The following CCDC42 variants were observed in gnomAD, a reference collection of about 807,000 sequenced individuals.
The protein encoded by CCDC42 is coiled-coil domain containing 42, also known as coiled-coil domain-containing protein 42.
Under a neutral mutation model 40.8 loss-of-function variants are expected in CCDC42, and 38 were observed. That is an observed-to-expected ratio of 0.93 (90% CI 0.72 to 1.22). CCDC42 has a LOEUF of 1.22. Ranked by LOEUF, CCDC42 falls within the 50% of genes most tolerant of loss-of-function variation. CCDC42 has a pLI of 0.00. For synonymous variants in CCDC42, 135 were observed against 157.5 expected (o/e 0.86, Z 1.07); for missense variants, 379 against 416.5 (o/e 0.91, Z 0.78).
intron 6 of CCDC42, among the ~76,000 whole-genome samples, chr17:8,734,183 C>T (rs1384196346): frequency 6.6e-6 from 1 of 152,176 alleles, no homozygotes; most frequent in East Asian, 1.9e-4. Flanking sequence ...TTTCTGTTAA[C>T]ATACTTTTTA....
chr17:8,744,320 G>T, intron 1 of CCDC42, 136 bp from the exon 2 acceptor site: 1 of 751,044 alleles, frequency 1.3e-6, no homozygotes, highest in Non-Finnish European at 2.2e-6. Flanking sequence ...GGGCTGTTGT[G>T]TTGAGAAGCA....
chr17:8,739,161 G>A (rs1206622658), intron 4 of CCDC42, among the ~76,000 whole-genome samples: 2 of 152,274 alleles, frequency 1.3e-5, no homozygotes, highest in African/African-American at 2.4e-5. Context: ...GGCCAGGAAC[G>A]ACGCCAGAGT....
chr17:8,744,158 G>GACGCCCCA lies in CCDC42; in HGVS notation c.109_110insTGGGGCGT (p.Ser37LeufsTer39). ...CAGTAGCCAGATGGATGGGGACTCC[G>GACGCCCCA]ACGCCCCCTCAACATTGGGGAGTTT... On this transcript the variant is annotated frameshift_variant, in exon 2 of 7. Transcript: ENST00000293845. LOFTEE classifies it high-confidence loss of function. The GACGCCCCA allele has an allele frequency of 6.2e-7, 1 of 1,613,878 alleles. No homozygotes were observed. Among genetic ancestry groups the GACGCCCCA allele is most frequent in the East Asian group, 2.2e-5 (1 of 44,876 alleles).
chr17:8,730,235 C>A, intron 6 of CCDC42, 28 bp from the exon 7 acceptor site: 1 of 1,588,538 alleles, frequency 6.3e-7, no homozygotes, highest in Non-Finnish European at 8.6e-7. Context: ...CCAGCGTTAA[C>A]TCCGCCCCCC....
chr17:8,729,982 G>A lies in CCDC42; in HGVS notation c.*148C>T. 1 of 690,216 alleles carries A rather than the reference G, an allele frequency of 1.4e-6. No homozygotes were observed. Among genetic ancestry groups the A allele is most frequent in the Non-Finnish European group, 2.6e-6 (1 of 384,710 alleles). The allele number at this position is 690,216 out of a possible 1,614,324, so 42.8% of individuals were successfully genotyped here. On this transcript the variant is annotated 3_prime_UTR_variant, in exon 7 of 7. Transcript: ENST00000293845. ...AACATTCACTGTTTTCAGGGATAGA[G>A]TGAGGCCCACGGGGGAAAATAAGCA...
At chr17:8,740,586 G>A (rs1160751957) in intron 4 of CCDC42, among the ~76,000 whole-genome samples, 1 of 152,086 alleles carries the variant, frequency 6.6e-6, no homozygotes, top group African/African-American at 2.4e-5. Context: ...CGCCGGAGGA[G>A]CCTGAGAAGG....
rs976886245 is a variant in CCDC42 at position 8,743,757 on chromosome 17, G to T, written c.190-27C>A. ...TTTGGGGTGGGGGTGGGAGAGCAGA[G>T]AGGTCAGGAGGGCTCCTGACATGAG... On this transcript the variant is annotated intron_variant, in intron 2 of 6. Coordinates refer to ENST00000293845, the MANE Select transcript of CCDC42 (RefSeq NM_144681.3). 5.3e-6 allele frequency: 7 copies of T among 1,316,188 alleles called. No individual in the cohort carries two copies. The African/African-American group carries it at 1.0e-4, about 19-fold the overall frequency. The allele number at this position is 1,316,188 out of a possible 1,614,324, so 81.5% of individuals were successfully genotyped here. A position where few individuals can be genotyped will look rare whatever the true frequency, so the allele number is the denominator to read the frequency against.
chr17:8,739,585 C>T (rs971784732), intron 4 of CCDC42, among the ~76,000 whole-genome samples: 3 of 152,192 alleles, frequency 2.0e-5, no homozygotes, highest in Admixed American at 1.3e-4. Context: ...TCTTGTCGCC[C>T]AGGCTGGAGT....
At chr17:8,743,401 A>G (rs970699049) in intron 3 of CCDC42, among the ~76,000 whole-genome samples, 1 of 152,230 alleles carries the variant, frequency 6.6e-6, no homozygotes, top group African/African-American at 2.4e-5. Flanking sequence ...AATAGGAAAC[A>G]GCCATCTAGA....
At chr17:8,743,479 T>C (rs1467728065) in intron 3 of CCDC42, 147 bp downstream of exon 3, 1 of 651,750 alleles carries the variant, frequency 1.5e-6, no homozygotes, top group Non-Finnish European at 2.8e-6. Context: ...AAAGGACGCC[T>C]AGGGACATGC....
chr17:8,735,102 C>A lies in CCDC42; in HGVS notation c.867G>T (p.Leu289=). 1 of 1,614,184 alleles carries A rather than the reference C, an allele frequency of 6.2e-7. No individual in the cohort carries two copies. The highest frequency in any genetic ancestry group is 8.5e-7 in the Non-Finnish European group (1 of 1,180,028). Residue 289 remains leucine (L), a synonymous_variant, in exon 6 of 7, where the codon CTG becomes CTT. Coordinates refer to ENST00000293845, the MANE Select transcript of CCDC42 (RefSeq NM_144681.3). This position sits in a 1 kb window ranked among gnomAD's most constrained non-coding sequence, Gnocchi z 4.7. ...GCCTGTCCCCTCCTCCTACCATGTC[C>A]AGCTGCTTGTGGGTGTCCTCCAGTG... ...EVALEDTHKQ[L]DMIQQFIQDR... is the part of the protein sequence containing the mutation.
At chr17:8,739,473 G>T (rs994578360) in intron 4 of CCDC42, among the ~76,000 whole-genome samples, 1 of 152,162 alleles carries the variant, frequency 6.6e-6, no homozygotes, top group Non-Finnish European at 1.5e-5. Flanking sequence ...GGAGAGACAG[G>T]CCAATTTCCT....
At position 8,741,671 on chromosome 17, in the gene CCDC42, C is replaced by A. The variant is rs2086646521; in HGVS notation, c.295G>T (p.Glu99Ter). The A allele has an allele frequency of 6.2e-7, 1 of 1,612,012 alleles. No homozygotes were observed. Among genetic ancestry groups the A allele is most frequent in the Non-Finnish European group, 8.5e-7 (1 of 1,179,668 alleles). ...GCGCGGATCCGTTTCTGGTCGTTCTCCTGGGGCCCGGGGAGGTGGCGCTGG... is the reference window on the plus strand; with the variant it reads ...GCGCGGATCCGTTTCTGGTCGTTCTACTGGGGCCCGGGGAGGTGGCGCTGG... Reference protein sequence around the residue: ...HIQKSEQFIQENDQKRIRAMK... With the variant: ...HIQKSEQFIQ The change falls in exon 4 of 7, where the codon GAG (glutamate) becomes TAG (stop). Residue 99 changes from glutamate to a stop codon, truncating the protein, a stop_gained and splice_region_variant. Transcript: ENST00000293845. LOFTEE classifies it high-confidence loss of function.
chr17:8,730,904 C>T (rs1181424080), intron 6 of CCDC42, among the ~76,000 whole-genome samples: 12 of 152,244 alleles, frequency 7.9e-5, no homozygotes, highest in African/African-American at 2.4e-4. Flanking sequence ...ACAACTTCAC[C>T]GCCCTCAAGG....
chr17:8,740,392 G>A (rs1260365135), intron 4 of CCDC42, among the ~76,000 whole-genome samples: 1 of 151,672 alleles, frequency 6.6e-6, no homozygotes, highest in Non-Finnish European at 1.5e-5. Context: ...GGAGGCTGAG[G>A]CGGGAGAATC....
chr17:8,741,432 G>T, intron 4 of CCDC42, 42 bp downstream of exon 4: 1 of 1,582,328 alleles, frequency 6.3e-7, no homozygotes, highest in Non-Finnish European at 8.7e-7. Flanking sequence ...AGGTGGGGCT[G>T]AGGAAGGTGC....
chr17:8,743,479 T>G (rs1467728065), intron 3 of CCDC42, 147 bp downstream of exon 3: 1 of 651,750 alleles, frequency 1.5e-6, no homozygotes, highest in African/African-American at 1.8e-5. Flanking sequence ...AAAGGACGCC[T>G]AGGGACATGC....
chr17:8,731,866 A>G (rs1005769957), intron 6 of CCDC42, among the ~76,000 whole-genome samples: 9 of 152,228 alleles, frequency 5.9e-5, no homozygotes, highest in East Asian at 1.9e-4. Flanking sequence ...GAGTTTACCT[A>G]TATAACAAAC....
At position 8,744,688 on chromosome 17, in the gene CCDC42, G is replaced by T. The variant is rs569846299; in HGVS notation, c.-79C>A. On this transcript the variant is annotated 5_prime_UTR_variant, in exon 1 of 7. Transcript: ENST00000293845. The stretch of plus-strand genomic sequence containing the variant: ...GTAGCAGAGCCACAGGTGGCTCAGG[G>T]GTGGTGGCTGCACTCTTGTTTCTCC... 63 of 972,620 alleles carry T rather than the reference G, an allele frequency of 6.5e-5. No homozygotes were observed. The South Asian group carries it at 7.8e-4, about 12-fold the overall frequency. The allele number at this position is 972,620 out of a possible 1,614,324, so 60.2% of individuals were successfully genotyped here.
Sources: gnomAD v4.1 joint callset for allele counts (sites outside exome capture counted in the v4.1 genomes callset) on GRCh38, gnomAD v4.1.1 for gene constraint, Gnocchi (gnomAD v3.1) non-coding constraint, MANE v1.5 for transcripts, NCBI Gene and HGNC (gene_info 2026-07-23, HGNC 2026-07-21) for gene names.